Variants in ZNF516 observed in about 807,000 individuals in gnomAD.
ZNF516 encodes zinc finger protein 516.
ZNF516 carries 19 observed loss-of-function variants against 79.7 expected under a neutral mutation model. The observed-to-expected ratio is 0.24, with a 90% CI of 0.17 to 0.35. The LOEUF (loss-of-function observed/expected upper bound fraction) is 0.35, where lower values mean the gene tolerates loss of function less well. ZNF516 is among the 10% of genes least tolerant of loss of function. The probability of loss-of-function intolerance (pLI) is 1.00; values close to 1 mark genes in which losing one functional copy is unlikely to be tolerated. For synonymous variants in ZNF516, 877 were observed against 739.5 expected, an observed-to-expected ratio of 1.19 and a Z score of -3.02; for missense variants, 1,678 against 1,679.5, an observed-to-expected ratio of 1.00 and a Z score of 0.02.
chr18:76,465,466 C>T (rs1474338328), intron 1 of ZNF516, among the ~76,000 whole-genome samples: 3 of 152,222 alleles, frequency 2.0e-5, no homozygotes, highest in African/African-American at 4.8e-5. Context: ...GCTGACCCTG[C>T]GGCGTCCTTG....
Position 76,449,617 on chromosome 18 carries a change from T to C in ZNF516, c.-157-6406A>G, listed in dbSNP as rs576563166. ...TAAAATGTAAATGATAGCAATGATA[T>C]CTATTTTATCATACTCCAGTAAAAT... is the stretch of plus-strand genomic sequence containing the variant. On this transcript the variant is annotated intron_variant, in intron 2 of 6. Transcript: ENST00000443185. Among the ~76,000 whole-genome samples the C allele has an allele frequency of 7.2e-4, 109 of 152,366 alleles. 1 individual carries two copies. Among genetic ancestry groups the C allele is most frequent in the African/African-American group, 2.4e-3 (98 of 41,588 alleles).
At chr18:76,394,946 C>T (rs1238622273) in intron 3 of ZNF516, among the ~76,000 whole-genome samples, 2 of 152,124 alleles carry the variant, frequency 1.3e-5, no homozygotes, top group Non-Finnish European at 2.9e-5. Flanking sequence ...CTGACTGAAC[C>T]ACGGTTGACT....
intron 3 of ZNF516, among the ~76,000 whole-genome samples, chr18:76,429,169 C>G (rs2145439763): frequency 6.6e-6 from 1 of 152,308 alleles, no homozygotes; most frequent in South Asian, 2.1e-4. Flanking sequence ...GCCCCTCCCC[C>G]AGCACAGGGC....
In ZNF516 at chr18:76,362,193, C is replaced by T; in HGVS notation, c.*305G>A. On this transcript the variant is annotated 3_prime_UTR_variant, in exon 7 of 7. Coordinates refer to ENST00000443185, the MANE Select transcript of ZNF516 (RefSeq NM_014643.4). ...TGCCTTGTGCCCCTACTGTGCCTGC[C>T]AGTACTACTGTTTATTATAAGAAAA... 1 of 300,254 alleles carries T rather than the reference C, an allele frequency of 3.3e-6. No homozygotes were observed. The highest frequency in any genetic ancestry group is 6.3e-6 in the Non-Finnish European group (1 of 159,076). 18.6% of individuals were successfully genotyped at this position (300,254 alleles called of 1,614,324 possible).
At chr18:76,477,244 G>T (rs1043369550) in intron 1 of ZNF516, among the ~76,000 whole-genome samples, 5 of 152,148 alleles carry the variant, frequency 3.3e-5, no homozygotes, top group Non-Finnish European at 5.9e-5. Flanking sequence ...AGTCAGACAG[G>T]AAACAGAATT....
chr18:76,399,130 T>C (rs984981331), intron 3 of ZNF516, among the ~76,000 whole-genome samples: 1 of 152,184 alleles, frequency 6.6e-6, no homozygotes, highest in African/African-American at 2.4e-5. Flanking sequence ...GACTCCCTCC[T>C]GGTGCTGGTG....
intron 1 of ZNF516, chr18:76,491,620 GC>G: frequency 2.9e-6 from 1 of 349,158 alleles, no homozygotes; most frequent in Non-Finnish European, 3.8e-6. Flanking sequence ...GCCCCTTCCC[GC>G]CCCGCCCACG....
chr18:76,398,612 GA>G (rs1316864396), intron 3 of ZNF516, among the ~76,000 whole-genome samples: 2 of 145,998 alleles, frequency 1.4e-5, no homozygotes, highest in Non-Finnish European at 1.5e-5. Context: ...AGTTATGAAG[GA>G]ATGGGGGCCT....
chr18:76,398,924 T>A (rs886320766), intron 3 of ZNF516, among the ~76,000 whole-genome samples: 1 of 151,860 alleles, frequency 6.6e-6, no homozygotes, highest in Non-Finnish European at 1.5e-5. Flanking sequence ...AAAAAAAAAA[T>A]CAGGATCACT....
chr18:76,436,245 C>T (rs1323967942), intron 3 of ZNF516, among the ~76,000 whole-genome samples: 1 of 152,182 alleles, frequency 6.6e-6, no homozygotes, highest in African/African-American at 2.4e-5. Context: ...ATGAGGACAT[C>T]CCACAGCTCC....
chr18:76,453,752 T>C (rs987915892), intron 2 of ZNF516, among the ~76,000 whole-genome samples: 39 of 152,192 alleles, frequency 2.6e-4, no homozygotes, highest in African/African-American at 9.2e-4. Context: ...AACAAAACAA[T>C]GGTGCAGAAA....
At chr18:76,468,711 C>G (rs1265666287) in intron 1 of ZNF516, among the ~76,000 whole-genome samples, 1 of 152,090 alleles carries the variant, frequency 6.6e-6, no homozygotes, top group African/African-American at 2.4e-5. Context: ...TGAGCCAACG[C>G]GCCCGGCCGT....
chr18:76,368,721 ATGAG>A (rs1327852619), intron 6 of ZNF516, among the ~76,000 whole-genome samples: 3 of 152,256 alleles, frequency 2.0e-5, no homozygotes, highest in South Asian at 2.1e-4. Context: ...AGAATCAAGA[ATGAG>A]TAACAATTAT....
At chr18:76,443,237 GC>G (rs1911835520) in intron 2 of ZNF516, 26 bp from the exon 3 acceptor site, 1 of 914,170 alleles carries the variant, frequency 1.1e-6, no homozygotes. Context: ...AACATCATCA[GC>G]AAAGCTCCTG....
intron 1 of ZNF516, among the ~76,000 whole-genome samples, chr18:76,480,480 CACACATAT>C (rs1159851436): frequency 3.6e-5 from 5 of 139,742 alleles, no homozygotes; most frequent in Non-Finnish European, 6.2e-5. Context: ...TATATACACA[CACACATAT>C]ACACATACAC....
At chr18:76,365,606 C>T (rs186746072) in intron 6 of ZNF516, among the ~76,000 whole-genome samples, 11 of 152,236 alleles carry the variant, frequency 7.2e-5, no homozygotes, top group Admixed American at 2.0e-4. Flanking sequence ...ATCTTTTAAA[C>T]GACAACATGC....
chr18:76,408,608 G>A (rs2075332173), intron 3 of ZNF516, among the ~76,000 whole-genome samples: 1 of 152,204 alleles, frequency 6.6e-6, no homozygotes, highest in African/African-American at 2.4e-5. Context: ...TCCCAAGACT[G>A]TGTGAGACAC....
Position 76,379,444 on chromosome 18 carries a change from A to G in ZNF516, c.2670T>C (p.Pro890=). The G allele has an allele frequency of 6.2e-7, 1 of 1,612,700 alleles. No individual in the cohort carries two copies. The highest frequency in any genetic ancestry group is 8.5e-7 in the Non-Finnish European group (1 of 1,179,446). Reference sequence around the variant, plus strand: ...CGCCATGTGGCTCCTGGCCGTGACAAGGTTTGGTCTGTCGATACCCGTCAG... The same window carrying G: ...CGCCATGTGGCTCCTGGCCGTGACAGGGTTTGGTCTGTCGATACCCGTCAG... ...PGPDGYRQTK[P]CHGQEPHGAA... Residue 890 remains proline (P), a synonymous_variant, in exon 4 of 7, where the codon CCT becomes CCC. Coordinates refer to ENST00000443185, the MANE Select transcript of ZNF516 (RefSeq NM_014643.4).
chr18:76,390,376 C>G (rs970407881), intron 3 of ZNF516, among the ~76,000 whole-genome samples: 9 of 152,222 alleles, frequency 5.9e-5, no homozygotes, highest in Non-Finnish European at 1.3e-4. Flanking sequence ...CATGGCACAC[C>G]TGTGTCAGGG....
Sources: gnomAD v4.1 joint callset for allele counts (sites outside exome capture counted in the v4.1 genomes callset) on GRCh38, gnomAD v4.1.1 for gene constraint, MANE v1.5 for transcripts, NCBI Gene and HGNC (gene_info 2026-07-23, HGNC 2026-07-21) for gene names.